NAF1: variants seen among roughly 807,000 people sequenced by gnomAD.
The protein encoded by NAF1 is nuclear assembly factor 1 ribonucleoprotein.
Under a neutral mutation model 40.6 loss-of-function variants are expected in NAF1, and 11 were observed. That is an observed-to-expected ratio of 0.27 (90% CI 0.17 to 0.45). The LOEUF is 0.45. Ranked by LOEUF, NAF1 falls within the 20% of genes least tolerant of loss-of-function variation. NAF1 has a pLI of 1.00. For synonymous variants in NAF1, 260 were observed against 228.5 expected (o/e 1.14, Z -1.24); for missense variants, 607 against 611.1 (o/e 0.99, Z 0.07).
At chr4:163,115,525 A>C (rs1730309119) in intron 2 of NAF1, among the ~76,000 whole-genome samples, 1 of 152,278 alleles carries the variant, frequency 6.6e-6, no homozygotes, top group Middle Eastern at 3.4e-3. Context: ...AGCCGTTGCC[A>C]TACTCAGTAT....
chr4:163,157,667 G>A lies in NAF1; in HGVS notation c.540+6550C>T, dbSNP rs114380500. On this transcript the variant is annotated intron_variant, in intron 2 of 7. Transcript: ENST00000274054. ...ATGCAAGATCCTAACCACACTTCTG[G>A]AATATCCATGAAAGAGCAATTATTG... is the stretch of plus-strand genomic sequence containing the variant. Among the ~76,000 whole-genome samples the A allele has an allele frequency of 3.0e-3, 458 of 151,844 alleles. 2 individuals are homozygous for A. The highest frequency in any genetic ancestry group is 0.011 in the African/African-American group (441 of 41,408).
chr4:163,110,765 A>AT (rs1010703163), intron 2 of NAF1, among the ~76,000 whole-genome samples: 7 of 152,070 alleles, frequency 4.6e-5, no homozygotes, highest in East Asian at 1.9e-4. Context: ...TCTACTATGG[A>AT]TTTTTTTAAC....
In NAF1 at chr4:163,166,497, C is replaced by A. The variant is rs756683018; in HGVS notation, c.231G>T (p.Gly77=). The change falls in exon 1 of 8, where the codon GGG becomes GGT. Residue 77 remains glycine (G), a synonymous_variant. Transcript: ENST00000274054. Reference sequence around the variant, plus strand: ...GTGGCTGTGGCTGCGGCGCCGGGGTCCCGGCCGCGACGGCGTTCAGAACGG... The same window carrying A: ...GTGGCTGTGGCTGCGGCGCCGGGGTACCGGCCGCGACGGCGTTCAGAACGG... ...LQPVLNAVAA[G]TPAPQPQPPA... is the part of the protein sequence containing the mutation. 5.6e-6 allele frequency: 9 copies of A among 1,598,620 alleles called. No homozygotes were observed. The Admixed American group carries it at 1.4e-4, about 24-fold the overall frequency.
chr4:163,150,089 T>C (rs1413598920), intron 2 of NAF1, among the ~76,000 whole-genome samples: 1 of 152,160 alleles, frequency 6.6e-6, no homozygotes, highest in South Asian at 2.1e-4. Context: ...TAAAGCCTAC[T>C]GGTTAAATAT....
At chr4:163,149,174 T>G (rs1335445459) in intron 2 of NAF1, among the ~76,000 whole-genome samples, 1 of 152,152 alleles carries the variant, frequency 6.6e-6, no homozygotes, top group Non-Finnish European at 1.5e-5. Flanking sequence ...TAAGAATAAA[T>G]CTGACCTTAG....
intron 6 of NAF1, 45 bp from the exon 7 acceptor site, chr4:163,133,301 C>A: frequency 6.8e-7 from 1 of 1,472,272 alleles, no homozygotes; most frequent in Non-Finnish European, 9.4e-7. Flanking sequence ...CATGAATTTG[C>A]CAATTCAATA....
intron 1 of NAF1, among the ~76,000 whole-genome samples, 191 bp from the exon 2 acceptor site, chr4:163,164,582 T>C (rs1258722369): frequency 6.6e-6 from 1 of 152,098 alleles, no homozygotes; most frequent in Non-Finnish European, 1.5e-5. Flanking sequence ...AATTCAAAAC[T>C]AGCACTTCAA....
intron 2 of NAF1, among the ~76,000 whole-genome samples, chr4:163,152,526 A>C (rs1731752137): frequency 6.6e-6 from 1 of 152,222 alleles, no homozygotes; most frequent in Non-Finnish European, 1.5e-5. Flanking sequence ...CAACCTATGT[A>C]CTGGAAGAAT....
chr4:163,161,468 GTC>G (rs1005068802), intron 2 of NAF1, among the ~76,000 whole-genome samples: 8 of 151,262 alleles, frequency 5.3e-5, no homozygotes, highest in African/African-American at 1.9e-4. Flanking sequence ...GCGAAACTCT[GTC>G]CCCCCTCACC....
downstream of NAF1, among the ~76,000 whole-genome samples, chr4:163,106,114 C>CCTT (rs980932156): frequency 1.1e-4 from 17 of 152,046 alleles, no homozygotes; most frequent in African/African-American, 3.6e-4. Context: ...TGGGAGGCCT[C>CCTT]ATTTGGATTT....
chr4:163,158,107 T>G (rs1403749849), intron 2 of NAF1: 1 of 152,086 alleles, frequency 6.6e-6, no homozygotes, highest in Non-Finnish European at 1.5e-5. Context: ...AAATGAAAAC[T>G]AAACCTTTTT....
intron 4 of NAF1, among the ~76,000 whole-genome samples, chr4:163,142,383 G>A (rs1731295588): frequency 6.6e-6 from 1 of 152,170 alleles, no homozygotes; most frequent in Non-Finnish European, 1.5e-5. Flanking sequence ...TACACAGACT[G>A]TTTCCCAGGG....
At chr4:163,150,114 G>A (rs1180214051) in intron 2 of NAF1, among the ~76,000 whole-genome samples, 1 of 152,064 alleles carries the variant, frequency 6.6e-6, no homozygotes, top group Non-Finnish European at 1.5e-5. Context: ...AAATAAACAA[G>A]TGCTATTTAA....
At position 163,166,750 on chromosome 4, in the gene NAF1, C is replaced by A. The variant is rs566536559; in HGVS notation, c.-23G>T. ...CATCGCACCGCGCCAGAAACCGGGT[C>A]GGCCTCAGGATTGGGGCCCCTGGAC... On this transcript the variant is annotated 5_prime_UTR_variant, in exon 1 of 8. Coordinates refer to ENST00000274054, the MANE Select transcript of NAF1 (RefSeq NM_138386.3). 1.9e-6 allele frequency: 3 copies of A among 1,612,456 alleles called. No homozygotes were observed. In the South Asian group the frequency reaches 3.3e-5, roughly 18 times the overall value.
At chr4:163,111,414 T>C (rs576020384) in intron 2 of NAF1, among the ~76,000 whole-genome samples, 3 of 152,332 alleles carry the variant, frequency 2.0e-5, no homozygotes, top group African/African-American at 7.2e-5. Context: ...ATTGTTCTTC[T>C]ATTTTGTTTT....
At chr4:163,134,581 C>G (rs1027792064) in intron 6 of NAF1, among the ~76,000 whole-genome samples, 17 of 152,096 alleles carry the variant, frequency 1.1e-4, no homozygotes, top group African/African-American at 3.6e-4. Flanking sequence ...GTACAATGAA[C>G]AAGTGCTACG....
intron 2 of NAF1, among the ~76,000 whole-genome samples, chr4:163,161,126 G>C (rs945843408): frequency 2.6e-5 from 4 of 151,168 alleles, no homozygotes; most frequent in African/African-American, 7.3e-5. Context: ...GAAAGCAAAA[G>C]ATGCCATTTT....
downstream of NAF1, chr4:163,126,738 G>A (rs534128426): frequency 6.2e-4 from 200 of 322,718 alleles, no homozygotes; most frequent in South Asian, 4.7e-3. Context: ...ATGCTACACA[G>A]AAATCTTTGG....
intron 3 of NAF1, among the ~76,000 whole-genome samples, chr4:163,146,993 T>C (rs906763876): frequency 3.3e-5 from 5 of 152,188 alleles, no homozygotes; most frequent in African/African-American, 1.2e-4. Context: ...TTTTTCTGTA[T>C]ACATCAAGTC....
Sources: allele counts gnomAD v4.1 joint callset (sites outside exome capture counted in the v4.1 genomes callset), GRCh38; gene constraint gnomAD v4.1.1; transcripts MANE v1.5; gene names NCBI Gene and HGNC (gene_info 2026-07-23, HGNC 2026-07-21).